Variants in ANKRD27 observed in about 807,000 individuals in gnomAD.
ANKRD27 encodes the protein ankyrin repeat domain 27, also known as ankyrin repeat domain-containing protein 27.
In ANKRD27, 112 loss-of-function variants were observed where a neutral mutation model predicts 129.7. The ratio of observed to expected loss-of-function variants is 0.86; its 90% CI spans 0.74 to 1.01. The LOEUF (loss-of-function observed/expected upper bound fraction) is 1.01, where lower values mean the gene tolerates loss of function less well. Ranked by LOEUF, ANKRD27 falls within the 50% of genes least tolerant of loss-of-function variation. The pLI, the probability that ANKRD27 is intolerant of heterozygous loss-of-function variation, is 0.00. For synonymous variants in ANKRD27, 516 were observed against 511.2 expected, an observed-to-expected ratio of 1.01 and a Z score of -0.13; for missense variants, 1,258 against 1,300.5, an observed-to-expected ratio of 0.97 and a Z score of 0.50.
At chr19:32,640,021 G>C (rs903370946) in intron 11 of ANKRD27, among the ~76,000 whole-genome samples, 1 of 152,156 alleles carries the variant, frequency 6.6e-6, no homozygotes, top group African/African-American at 2.4e-5. Context: ...GAGTGCGGTG[G>C]CGCGATTTCA....
intron 10 of ANKRD27, among the ~76,000 whole-genome samples, chr19:32,641,764 C>CTTTTTTTTTTTTTTTTTTTTTTTT (rs35422369): frequency 1.3e-5 from 1 of 79,726 alleles, no homozygotes. Context: ...TCTTTTACTT[C>CTTTTTTTTTTTTTTTTTTTTTTTT]TTCTTTTTTT....
intron 2 of ANKRD27, 51 bp from the exon 3 acceptor site, chr19:32,649,843 TCAG>T (rs1568415221): frequency 8.1e-7 from 1 of 1,235,354 alleles, no homozygotes; most frequent in Non-Finnish European, 1.2e-6. Flanking sequence ...ATTTACCACC[TCAG>T]CAGAACAAGG....
In ANKRD27 at chr19:32,647,986, C is replaced by A. The variant is rs781499746; in HGVS notation, c.214-1371G>T. 5.0e-4 allele frequency among the ~76,000 whole-genome samples: 76 copies of A among 152,222 alleles called. 1 individual carries two copies. The highest frequency in any genetic ancestry group is 7.3e-5 in the Non-Finnish European group (5 of 68,042). On this transcript the variant is annotated intron_variant, in intron 3 of 28. Coordinates refer to ENST00000306065, the MANE Select transcript of ANKRD27 (RefSeq NM_032139.3). The stretch of plus-strand genomic sequence containing the variant: ...TTGCAACATTTAAAAAGGATCCAGG[C>A]CGGGTGCAGTGGCTCATGCCTGTAA...
intron 20 of ANKRD27, among the ~76,000 whole-genome samples, chr19:32,618,719 A>G (rs1182923892): frequency 6.6e-6 from 1 of 152,124 alleles, no homozygotes. Context: ...AAGGTGGTAC[A>G]TCCATTCAAC....
rs558763857 is a variant in ANKRD27 at position 32,625,874 on chromosome 19, G to A, written c.1629C>T (p.Asp543=). The change falls in exon 17 of 29, where the codon GAC becomes GAT. Residue 543 remains aspartate, a splice_region_variant and synonymous_variant. Coordinates refer to ENST00000306065, the MANE Select transcript of ANKRD27 (RefSeq NM_032139.3). The part of the protein sequence containing the change: ...LHLACTYGHE[D]CVKALVYYDV... ...CCCCGGAACAGCAAGAGCCACTCAC[G>A]TCCTCGTGGCCGTAGGTGCAGGCCA... 2.3e-4 allele frequency: 362 copies of A among 1,592,408 alleles called. 3 individuals are homozygous for A. The South Asian group carries it at 3.8e-3, about 17-fold the overall frequency.
intron 12 of ANKRD27, chr19:32,639,082 C>T (rs776392874): frequency 1.9e-4 from 87 of 459,732 alleles, no homozygotes; most frequent in Non-Finnish European, 3.0e-4. Flanking sequence ...TCTGGCTTCC[C>T]TTTGCACCCA....
Position 32,626,752 on chromosome 19 carries a change from G to C in ANKRD27, c.1496C>G (p.Pro499Arg), listed in dbSNP as rs201471927. Reference protein sequence around the residue: ...VNATDYHGATPLHLACQKGYQ... With the variant: ...VNATDYHGATRLHLACQKGYQ... Reference sequence around the variant, plus strand: ...GCCCTTCTGACAGGCCAGGTGGAGCGGAGTGGCTCCATGGTAGTCTGTGGC... The same window carrying C: ...GCCCTTCTGACAGGCCAGGTGGAGCCGAGTGGCTCCATGGTAGTCTGTGGC... The change falls in exon 16 of 29, where the codon CCG becomes CGG. Residue 499 changes from proline to arginine, a missense_variant. Physicochemically the swap from Pro to Arg is moderately radical, Grantham distance 103 (BLOSUM62 -2). Coordinates refer to ENST00000306065, the MANE Select transcript of ANKRD27 (RefSeq NM_032139.3). 1.2e-6 allele frequency: 2 copies of C among 1,612,188 alleles called. No homozygotes were observed. The highest frequency in any genetic ancestry group is 1.7e-5 in the Admixed American group (1 of 59,744).
At chr19:32,668,792 C>G (rs1428975949) in intron 1 of ANKRD27, among the ~76,000 whole-genome samples, 1 of 150,824 alleles carries the variant, frequency 6.6e-6, no homozygotes, top group Non-Finnish European at 1.5e-5. Flanking sequence ...GCTACATTGC[C>G]CAAGTGATCC....
Position 32,615,554 on chromosome 19 carries a change from G to A in ANKRD27, c.2175+104C>T, listed in dbSNP as rs28412545. The stretch of plus-strand genomic sequence containing the variant: ...GGTCATGACTGTACCACTGCACTCC[G>A]GCCTGGGTGACAGAACGAGACCCTG... On this transcript the variant is annotated intron_variant, in intron 22 of 28. Transcript: ENST00000306065. The A allele has an allele frequency of 0.013, 21,035 of 1,586,970 alleles. 2,353 individuals are homozygous for A. In the African/African-American group the frequency reaches 0.25, roughly 18 times the overall value.
At chr19:32,646,065 G>A (rs886237221) in intron 4 of ANKRD27, among the ~76,000 whole-genome samples, 3 of 151,910 alleles carry the variant, frequency 2.0e-5, no homozygotes, top group African/African-American at 7.3e-5. Context: ...CCGAGTAGCT[G>A]GGATTACAGG....
At chr19:32,672,546 G>A (rs971942392) in intron 1 of ANKRD27, among the ~76,000 whole-genome samples, 1 of 152,194 alleles carries the variant, frequency 6.6e-6, no homozygotes, top group Non-Finnish European at 1.5e-5. Context: ...CAGGGTAGGT[G>A]AGGGGCTAAC....
intron 24 of ANKRD27, 53 bp downstream of exon 24, chr19:32,605,782 C>T (rs1413858186): frequency 1.4e-5 from 22 of 1,597,992 alleles, no homozygotes; most frequent in South Asian, 6.7e-5. Flanking sequence ...TGGGTGGAGG[C>T]GCCCTGTTAA....
At chr19:32,625,813 G>C (rs772550543) in intron 17 of ANKRD27, 61 bp downstream of exon 17, 1 of 1,323,226 alleles carries the variant, frequency 7.6e-7, no homozygotes, top group Non-Finnish European at 1.0e-6. Context: ...GAGAAATCCC[G>C]ACTTCTCTAC....
intron 1 of ANKRD27, among the ~76,000 whole-genome samples, chr19:32,659,711 C>T (rs772384216): frequency 5.3e-5 from 8 of 152,072 alleles, no homozygotes; most frequent in East Asian, 1.9e-4. Flanking sequence ...ATTAAGGAAT[C>T]GTCACATTTT....
intron 12 of ANKRD27, chr19:32,637,865 A>C (rs1286689172): frequency 6.6e-6 from 1 of 152,336 alleles, no homozygotes; most frequent in Non-Finnish European, 1.5e-5. Flanking sequence ...CCATGTGTGC[A>C]CATGCTTGGT....
intron 2 of ANKRD27, among the ~76,000 whole-genome samples, chr19:32,650,579 C>T (rs954669151): frequency 2.0e-5 from 3 of 151,148 alleles, no homozygotes; most frequent in East Asian, 2.0e-4. Context: ...CCCAGCTACT[C>T]GGGAGGTTGT....
Position 32,622,723 on chromosome 19 carries a change from A to G in ANKRD27, c.1630-104T>C, listed in dbSNP as rs1323617549. Reference sequence around the variant, plus strand: ...ACCAAGCAAATGTGCAGTAACAGACAGAACTCAGAAGTGTCACAGTATCTG... The same window carrying G: ...ACCAAGCAAATGTGCAGTAACAGACGGAACTCAGAAGTGTCACAGTATCTG... On this transcript the variant is annotated intron_variant, in intron 17 of 28. Coordinates refer to ENST00000306065, the MANE Select transcript of ANKRD27 (RefSeq NM_032139.3). 12 of 1,002,968 alleles carry G rather than the reference A, an allele frequency of 1.2e-5. No individual in the cohort carries two copies. In the East Asian group the frequency reaches 2.4e-4, roughly 20 times the overall value. The allele number at this position is 1,002,968 out of a possible 1,614,324, so 62.1% of individuals were successfully genotyped here.
At chr19:32,631,018 G>A (rs1051653172) in intron 13 of ANKRD27, among the ~76,000 whole-genome samples, 1 of 151,784 alleles carries the variant, frequency 6.6e-6, no homozygotes, top group African/African-American at 2.4e-5. Flanking sequence ...CCACCACCCT[G>A]ATCATTTTTT....
intron 3 of ANKRD27, among the ~76,000 whole-genome samples, chr19:32,648,872 T>C (rs1967355061): frequency 6.6e-6 from 1 of 151,508 alleles, no homozygotes; most frequent in South Asian, 2.1e-4. Flanking sequence ...GTGGCAAGAA[T>C]GTTAACAGCT....
Sources: gnomAD v4.1 joint callset for allele counts (sites outside exome capture counted in the v4.1 genomes callset) on GRCh38, gnomAD v4.1.1 for gene constraint, MANE v1.5 for transcripts, NCBI Gene and HGNC (gene_info 2026-07-23, HGNC 2026-07-21) for gene names.